CEP112: variants seen among roughly 807,000 people sequenced by gnomAD.
CEP112 encodes the protein centrosomal protein 112, also known as centrosomal protein of 112 kDa.
In CEP112, 127 loss-of-function variants were observed where a neutral mutation model predicts 153.0. That is an observed-to-expected ratio of 0.83 (90% confidence interval 0.72 to 0.96). CEP112 has a LOEUF of 0.96. CEP112 is among the 40% of genes least tolerant of loss of function. The pLI is 0.00. For synonymous variants in CEP112, 358 were observed against 374.4 expected (o/e 0.96, Z 0.51); for missense variants, 1,089 against 1,101.2 (o/e 0.99, Z 0.16).
At chr17:66,161,685 G>T (rs1598468649) in intron 4 of CEP112, among the ~76,000 whole-genome samples, 1 of 152,024 alleles carries the variant, frequency 6.6e-6, no homozygotes. Flanking sequence ...TCTGTCAGGG[G>T]ATTGGGGGCT....
intron 24 of CEP112, among the ~76,000 whole-genome samples, chr17:65,667,223 A>G (rs936268726): frequency 6.6e-6 from 1 of 152,126 alleles, no homozygotes; most frequent in Non-Finnish European, 1.5e-5. Flanking sequence ...TGCTTCTTAA[A>G]TTGAGGACAA....
At chr17:65,785,559 T>C (rs1348740139) in intron 21 of CEP112, among the ~76,000 whole-genome samples, 1 of 152,222 alleles carries the variant, frequency 6.6e-6, no homozygotes, top group East Asian at 1.9e-4. Context: ...TTTGTGATTA[T>C]TTCCTTCTAT....
At chr17:66,102,577 C>A (rs1044636063) in intron 6 of CEP112, among the ~76,000 whole-genome samples, 7 of 151,356 alleles carry the variant, frequency 4.6e-5, no homozygotes, top group Admixed American at 4.6e-4. Flanking sequence ...GTGGGCAGAT[C>A]ACAAGGTCAG....
At chr17:66,051,485 G>A (rs1188984171) in intron 12 of CEP112, among the ~76,000 whole-genome samples, 1 of 151,456 alleles carries the variant, frequency 6.6e-6, no homozygotes. Context: ...CCACAAATAA[G>A]AACAATTAAC....
intron 6 of CEP112, among the ~76,000 whole-genome samples, chr17:66,120,715 T>C (rs1331740174): frequency 1.3e-5 from 2 of 152,152 alleles, no homozygotes; most frequent in African/African-American, 4.8e-5. Flanking sequence ...TATCTTCTCT[T>C]TCATTCTTGA....
chr17:66,119,257 G>A (rs2069457776), intron 6 of CEP112, among the ~76,000 whole-genome samples: 1 of 152,162 alleles, frequency 6.6e-6, no homozygotes, highest in Admixed American at 6.5e-5. Context: ...GGGCTTAAGT[G>A]ATGGGTTAAT....
chr17:65,649,680 C>G (rs1266635819), intron 24 of CEP112, among the ~76,000 whole-genome samples: 2 of 146,816 alleles, frequency 1.4e-5, no homozygotes, highest in African/African-American at 5.1e-5. Context: ...GTTTGTGCCA[C>G]TGCACCCAGC....
intron 4 of CEP112, among the ~76,000 whole-genome samples, chr17:66,164,881 C>CAT (rs1283296827): frequency 8.7e-6 from 1 of 114,466 alleles, no homozygotes; most frequent in Non-Finnish European, 1.8e-5. Context: ...TATATACACA[C>CAT]ATATATGTGT....
intron 12 of CEP112, among the ~76,000 whole-genome samples, chr17:66,051,135 G>A (rs899501828): frequency 2.0e-4 from 23 of 115,012 alleles, no homozygotes; most frequent in African/African-American, 6.3e-4. Flanking sequence ...ACACCCCCCC[G>A]GGCCTAGCTA....
chr17:66,065,629 CTTT>C (rs34757999), intron 10 of CEP112, among the ~76,000 whole-genome samples: 5 of 140,268 alleles, frequency 3.6e-5, no homozygotes, highest in East Asian at 2.2e-4. Context: ...ATTTTAAAAT[CTTT>C]TTTTTTTTTT....
chr17:66,149,773 TCTA>T (rs978285872), intron 4 of CEP112, among the ~76,000 whole-genome samples: 2 of 151,822 alleles, frequency 1.3e-5, no homozygotes, highest in African/African-American at 4.8e-5. Flanking sequence ...TTTCATTTTC[TCTA>T]CTGTTTTTCT....
chr17:66,051,512 T>C (rs983269637), intron 12 of CEP112, among the ~76,000 whole-genome samples: 7 of 152,068 alleles, frequency 4.6e-5, no homozygotes, highest in African/African-American at 1.7e-4. Flanking sequence ...AGAGCTTACA[T>C]GACACTCAAG....
In CEP112 at chr17:65,691,292, C is replaced by T. The variant is rs538936968; in HGVS notation, c.2608-2074G>A. Among the ~76,000 whole-genome samples the T allele has an allele frequency of 2.6e-5, 4 of 152,282 alleles. No individual in the cohort carries two copies. The East Asian group carries it at 7.7e-4, about 29-fold the overall frequency. ...TGTCCATTAAAGATTCCTGCAAACACAATGCCAGTCTTTTTTATGTCCAGA... is the reference window on the plus strand; with the variant it reads ...TGTCCATTAAAGATTCCTGCAAACATAATGCCAGTCTTTTTTATGTCCAGA... On this transcript the variant is annotated intron_variant, in intron 23 of 26. Coordinates refer to ENST00000535342, the MANE Select transcript of CEP112 (RefSeq NM_001199165.4).
intron 15 of CEP112, 47 bp from the exon 16 acceptor site, chr17:66,027,607 G>C: frequency 6.3e-6 from 7 of 1,119,264 alleles, no homozygotes; most frequent in South Asian, 1.7e-5. Context: ...AATTATACTA[G>C]AGTCAATAAA....
At chr17:66,153,097 G>T (rs1246217579) in intron 4 of CEP112, among the ~76,000 whole-genome samples, 1 of 152,072 alleles carries the variant, frequency 6.6e-6, no homozygotes, top group Non-Finnish European at 1.5e-5. Flanking sequence ...ATTGGTAATG[G>T]GGATACAAAA....
intron 4 of CEP112, among the ~76,000 whole-genome samples, chr17:66,162,170 C>CA (rs1195132792): frequency 2.0e-5 from 3 of 152,026 alleles, no homozygotes; most frequent in Admixed American, 6.6e-5. Context: ...TAAAAAAGAT[C>CA]AAAGACTCAA....
rs537841838 is a variant in CEP112, at chr17:65,858,464, T to C, written c.2164-6430A>G. On this transcript the variant is annotated intron_variant, in intron 20 of 26. Coordinates refer to ENST00000535342, the MANE Select transcript of CEP112 (RefSeq NM_001199165.4). ...AAATTTGTCCATTTCACCTGGGTTC[T>C]CCAATTATTGGCATAATGCTTTTTT... is the stretch of plus-strand genomic sequence containing the variant. Among the ~76,000 whole-genome samples the C allele has an allele frequency of 3.9e-4, 60 of 152,322 alleles. 1 individual carries two copies. The South Asian group carries it at 0.012, about 29-fold the overall frequency.
intron 6 of CEP112, 42 bp from the exon 7 acceptor site, chr17:66,096,674 T>C: frequency 7.0e-6 from 9 of 1,289,432 alleles, no homozygotes; most frequent in African/African-American, 1.5e-5. Context: ...TTTATTAATT[T>C]TGGAGTTTTA....
chr17:65,653,115 G>A (rs763654944), intron 24 of CEP112, among the ~76,000 whole-genome samples: 33 of 152,098 alleles, frequency 2.2e-4, no homozygotes, highest in Non-Finnish European at 4.6e-4. Flanking sequence ...GGCCACCTCC[G>A]AATACCATCA....
Sources: allele counts gnomAD v4.1 joint callset (sites outside exome capture counted in the v4.1 genomes callset), GRCh38; gene constraint gnomAD v4.1.1; transcripts MANE v1.5; gene names NCBI Gene and HGNC (gene_info 2026-07-23, HGNC 2026-07-21).